CEP70: variants seen among roughly 807,000 people sequenced by gnomAD.
CEP70 encodes centrosomal protein of 70 kDa.
Under a neutral mutation model 90.9 loss-of-function variants are expected in CEP70, and 70 were observed. The observed-to-expected ratio is 0.77, with a 90% CI of 0.64 to 0.94. The LOEUF (loss-of-function observed/expected upper bound fraction) is 0.94, where lower values mean the gene tolerates loss of function less well. Among genes scored for constraint, CEP70 ranks in the 40% least tolerant of loss-of-function variants. The probability of loss-of-function intolerance (pLI) is 0.00; values close to 1 mark genes in which losing one functional copy is unlikely to be tolerated. For missense variants in CEP70, 648 were observed against 669.0 expected (o/e 0.97, Z 0.35); for synonymous variants, 220 against 228.3 (o/e 0.96, Z 0.33).
At chr3:138,587,117 A>G (rs899886854) in intron 2 of CEP70, among the ~76,000 whole-genome samples, 1 of 152,122 alleles carries the variant, frequency 6.6e-6, no homozygotes, top group Non-Finnish European at 1.5e-5. Flanking sequence ...AAACTCTGTA[A>G]GACATAAACA....
At chr3:138,562,469 G>T (rs954806941) in intron 6 of CEP70, among the ~76,000 whole-genome samples, 3 of 152,112 alleles carry the variant, frequency 2.0e-5, no homozygotes, top group African/African-American at 7.2e-5. Context: ...AAAAGGTTGG[G>T]GTTACCCACA....
chr3:138,543,493 A>AG (rs536787222), intron 6 of CEP70, among the ~76,000 whole-genome samples: 12 of 152,178 alleles, frequency 7.9e-5, no homozygotes, highest in African/African-American at 1.2e-4. Context: ...TCCAAGCCTG[A>AG]GGGGGCAGGG....
chr3:138,593,198 G>C (rs941031117), intron 1 of CEP70: 3 of 152,054 alleles, frequency 2.0e-5, no homozygotes, highest in African/African-American at 7.3e-5. Context: ...AACCAATATG[G>C]GTAATGCCTG....
chr3:138,574,426 C>T (rs1391823007), intron 2 of CEP70, among the ~76,000 whole-genome samples: 1 of 152,222 alleles, frequency 6.6e-6, no homozygotes, highest in East Asian at 1.9e-4. Flanking sequence ...AGTAGGTAAA[C>T]AAAGCGGCAG....
At chr3:138,587,665 C>T (rs541651782) in intron 2 of CEP70, among the ~76,000 whole-genome samples, 2 of 151,856 alleles carry the variant, frequency 1.3e-5, no homozygotes, top group South Asian at 4.2e-4. Context: ...CTGTAGTCCT[C>T]GCTACTTAGG....
At chr3:138,519,365 C>T (rs2036377904) in intron 11 of CEP70, among the ~76,000 whole-genome samples, 1 of 152,072 alleles carries the variant, frequency 6.6e-6, no homozygotes, top group African/African-American at 2.4e-5. Flanking sequence ...AGAGCAACTC[C>T]AAGACACATA....
chr3:138,565,788 C>G (rs1014758959), intron 6 of CEP70, among the ~76,000 whole-genome samples: 1 of 152,120 alleles, frequency 6.6e-6, no homozygotes, highest in African/African-American at 2.4e-5. Context: ...GACTAAAACA[C>G]CAAAAGCAAT....
At chr3:138,570,827 GAAA>G (rs2041122057) in intron 5 of CEP70, among the ~76,000 whole-genome samples, 1 of 152,096 alleles carries the variant, frequency 6.6e-6, no homozygotes, top group Non-Finnish European at 1.5e-5. Context: ...TCCTGCAACA[GAAA>G]CTAATAGAAG....
chr3:138,497,424 A>G (rs2034048852), intron 17 of CEP70: 2 of 1,130,056 alleles, frequency 1.8e-6, no homozygotes, highest in South Asian at 3.8e-5. Flanking sequence ...TCTTAATAGT[A>G]AGATAAATAA....
intron 13 of CEP70, among the ~76,000 whole-genome samples, chr3:138,503,521 C>A (rs1458341727): frequency 6.6e-6 from 1 of 152,146 alleles, no homozygotes; most frequent in Non-Finnish European, 1.5e-5. Flanking sequence ...TATCAAATAA[C>A]CTTTGATATG....
At chr3:138,543,448 G>A (rs539796359) in intron 6 of CEP70, among the ~76,000 whole-genome samples, 2 of 152,360 alleles carry the variant, frequency 1.3e-5, no homozygotes, top group South Asian at 4.1e-4. Context: ...TGGGTACTGG[G>A]AGTGAAGAGA....
At chr3:138,566,217 C>G (rs1165670495) in intron 6 of CEP70, among the ~76,000 whole-genome samples, 1 of 152,162 alleles carries the variant, frequency 6.6e-6, no homozygotes, top group Admixed American at 6.5e-5. Context: ...AACACTTTTA[C>G]ACTGTTGGTG....
At chr3:138,527,484 G>A (rs555297657) in intron 10 of CEP70, among the ~76,000 whole-genome samples, 47 of 151,896 alleles carry the variant, frequency 3.1e-4, no homozygotes, top group Middle Eastern at 6.8e-3. Flanking sequence ...CACGAGGTCA[G>A]GAGATCGAGA....
chr3:138,567,230 T>C (rs546179498), intron 6 of CEP70, among the ~76,000 whole-genome samples: 1 of 152,268 alleles, frequency 6.6e-6, no homozygotes, highest in Admixed American at 6.5e-5. Flanking sequence ...ACAAAACCAA[T>C]GTTTCCTTTC....
At chr3:138,572,999 A>T in intron 2 of CEP70, 67 bp from the exon 3 acceptor site, 1 of 1,076,740 alleles carries the variant, frequency 9.3e-7, no homozygotes. Flanking sequence ...ATGAAAAAAG[A>T]CAAAAAGTGC....
intron 17 of CEP70, chr3:138,496,950 A>AATGATGAG: frequency 1.0e-6 from 1 of 986,672 alleles, no homozygotes; most frequent in African/African-American, 1.7e-5. Context: ...AATATTTATG[A>AATGATGAG]ATGATGAGAA....
intron 6 of CEP70, among the ~76,000 whole-genome samples, chr3:138,565,987 C>A (rs2040757518): frequency 6.6e-6 from 1 of 151,924 alleles, no homozygotes; most frequent in East Asian, 1.9e-4. Context: ...AGAAAAAAAA[C>A]AAACAACCCC....
intron 6 of CEP70, among the ~76,000 whole-genome samples, chr3:138,568,448 T>G (rs1188894925): frequency 6.6e-6 from 1 of 152,152 alleles, no homozygotes; most frequent in Non-Finnish European, 1.5e-5. Context: ...CAAAGACCAC[T>G]GGTCTTCCTG....
intron 6 of CEP70, among the ~76,000 whole-genome samples, chr3:138,541,402 GAAAGAAAAAGAA>G (rs541045727): frequency 8.5e-5 from 12 of 141,462 alleles, no homozygotes; most frequent in South Asian, 2.2e-4. Flanking sequence ...ACGTGGTGCT[GAAAGAAAAAGAA>G]AAAGAAAAAG....
Sources: allele counts gnomAD v4.1 joint callset (sites outside exome capture counted in the v4.1 genomes callset), GRCh38; gene constraint gnomAD v4.1.1; transcripts MANE v1.5; gene names NCBI Gene and HGNC (gene_info 2026-07-23, HGNC 2026-07-21).